The following DMXL1 variants were observed in gnomAD, a reference collection of about 807,000 sequenced individuals.
DMXL1 encodes the protein dmX-like protein 1.
In DMXL1, 99 loss-of-function variants were observed where a neutral mutation model predicts 319.2. The ratio of observed to expected loss-of-function variants is 0.31; its 90% CI spans 0.26 to 0.37. The LOEUF (loss-of-function observed/expected upper bound fraction) is 0.37, where lower values mean the gene tolerates loss of function less well. Ranked by LOEUF, DMXL1 falls within the 10% of genes least tolerant of loss-of-function variation. The pLI is 1.00. For synonymous variants in DMXL1, 1,385 were observed against 1,235.2 expected (o/e 1.12, Z -2.54); for missense variants, 3,745 against 3,595.6 (o/e 1.04, Z -1.06).
chr5:119,122,288 A>G (rs1169476793), intron 9 of DMXL1, among the ~76,000 whole-genome samples: 6 of 129,668 alleles, frequency 4.6e-5, no homozygotes, highest in Non-Finnish European at 8.2e-5. Context: ...TCCCTCCCGG[A>G]CGGGGCGGCT....
intron 19 of DMXL1, among the ~76,000 whole-genome samples, chr5:119,164,094 ATGTT>A (rs1427526421): frequency 6.8e-6 from 1 of 147,194 alleles, no homozygotes; most frequent in Non-Finnish European, 1.5e-5. Context: ...TGCTTGCTTG[ATGTT>A]TTTTTTTTTT....
At position 119,159,451 on chromosome 5, in the gene DMXL1, A is replaced by G. The variant is rs1771784639; in HGVS notation, c.4703-5056A>G. On this transcript the variant is annotated intron_variant, in intron 19 of 43. Coordinates refer to ENST00000539542, the MANE Select transcript of DMXL1 (RefSeq NM_001290321.3). ...GTCCTTACTCATCATCAATCTGTTC[A>G]GATATTTTATTTTTTCATATTTCAG... 1.3e-5 allele frequency among the ~76,000 whole-genome samples: 2 copies of G among 152,190 alleles called. 1 individual carries two copies. The highest frequency in any genetic ancestry group is 4.8e-5 in the African/African-American group (2 of 41,450).
intron 1 of DMXL1, among the ~76,000 whole-genome samples, chr5:119,073,768 T>G (rs1007349060): frequency 6.6e-6 from 1 of 152,210 alleles, no homozygotes; most frequent in Non-Finnish European, 1.5e-5. Context: ...GGTTTTCCTT[T>G]GCAGCCTGTT....
intron 5 of DMXL1, 119 bp from the exon 6 acceptor site, chr5:119,114,355 GT>G (rs1760341209): frequency 1.4e-6 from 1 of 705,390 alleles, no homozygotes; most frequent in African/African-American, 1.8e-5. Flanking sequence ...AAAGATGTGG[GT>G]GTGAAACTTA....
chr5:119,199,223 C>T (rs1780224186), intron 32 of DMXL1, among the ~76,000 whole-genome samples: 2 of 152,076 alleles, frequency 1.3e-5, no homozygotes. Flanking sequence ...TTTCTCCTCC[C>T]CACTTCCCCC....
At chr5:119,132,728 A>G (rs1000908875) in intron 10 of DMXL1, 10 of 524,280 alleles carry the variant, frequency 1.9e-5, no homozygotes, top group Non-Finnish European at 2.7e-5. Context: ...AATTAGTCCT[A>G]TATTGGCATT....
At chr5:119,129,115 C>A in intron 9 of DMXL1, 96 bp from the exon 10 acceptor site, 2 of 778,770 alleles carry the variant, frequency 2.6e-6, no homozygotes, top group South Asian at 2.1e-5. Flanking sequence ...TTCAGGCAAA[C>A]AAAATATAAA....
Position 119,149,941 on chromosome 5 carries a change from A to T in DMXL1, c.4114A>T (p.Arg1372Trp). 6.2e-7 allele frequency: 1 copy of T among 1,613,904 alleles called. No homozygotes were observed. The highest frequency in any genetic ancestry group is 8.5e-7 in the Non-Finnish European group (1 of 1,179,916). ...EAESNHERRL[R>W]SLTISASGST... ...TGAATCTAATCATGAACGCCGCCTTAGGTCTCTCACAATCAGTGCTAGTGG... is the reference window on the plus strand; with the variant it reads ...TGAATCTAATCATGAACGCCGCCTTTGGTCTCTCACAATCAGTGCTAGTGG... The change falls in exon 18 of 44, where the codon AGG (arginine) becomes TGG (tryptophan). Residue 1372 changes from arginine (R) to tryptophan (W), a missense_variant. Around this residue, in one of 4 missense-constraint regions of DMXL1, gnomAD observed 2,096 missense variants for 1,985.4 expected, o/e 1.06. Coordinates refer to ENST00000539542, the MANE Select transcript of DMXL1 (RefSeq NM_001290321.3).
At chr5:119,105,826 GGTGGAGGTTGCA>G (rs1446585196) in intron 4 of DMXL1, among the ~76,000 whole-genome samples, 3 of 151,868 alleles carry the variant, frequency 2.0e-5, no homozygotes, top group African/African-American at 4.8e-5. Context: ...GAACCTGGAA[GGTGGAGGTTGCA>G]GTGAGCTGAG....
Position 119,120,990 on chromosome 5 carries a change from G to T in DMXL1, c.953G>T (p.Arg318Leu). 1.2e-6 allele frequency: 2 copies of T among 1,607,088 alleles called. No individual in the cohort carries two copies. Among genetic ancestry groups the T allele is most frequent in the Non-Finnish European group, 8.5e-7 (1 of 1,178,190 alleles). Residue 318 changes from arginine (R) to leucine (L), a missense_variant, in exon 9 of 44, where the codon CGT (arginine) becomes CTT (leucine). By Grantham distance (102) the Arg-to-Leu change is moderately radical. Transcript: ENST00000539542. ...ACACAGGTAAATCTGAGACATTTTC[G>T]TAGAGGTCGGAGGAGATCACTTGCT... ...NALEVNLRHFRRGRRRSLALV... is the reference protein window; with the variant it reads ...NALEVNLRHFLRGRRRSLALV...
chr5:119,212,668 CAT>C (rs1315878684), intron 34 of DMXL1, among the ~76,000 whole-genome samples: 1 of 152,144 alleles, frequency 6.6e-6, no homozygotes, highest in Admixed American at 6.5e-5. Flanking sequence ...TTTTTCTTCA[CAT>C]GTCCAGCCCA....
intron 13 of DMXL1, among the ~76,000 whole-genome samples, chr5:119,134,934 T>C (rs1467895442): frequency 6.6e-6 from 1 of 152,236 alleles, no homozygotes; most frequent in Non-Finnish European, 1.5e-5. Flanking sequence ...TTTGGCGATT[T>C]TTCTTTTGGT....
At chr5:119,178,430 A>G in intron 28 of DMXL1, 186 bp downstream of exon 28, 1 of 366,370 alleles carries the variant, frequency 2.7e-6, no homozygotes, top group Non-Finnish European at 3.8e-6. Flanking sequence ...TTAATCTTTA[A>G]GATATTCCTG....
chr5:119,230,387 A>C (rs1786450838), intron 38 of DMXL1, among the ~76,000 whole-genome samples: 1 of 152,246 alleles, frequency 6.6e-6, no homozygotes. Context: ...TACTTAATTT[A>C]TATAAGTGCT....
At chr5:119,081,391 T>C (rs1752159342) in intron 1 of DMXL1, among the ~76,000 whole-genome samples, 1 of 152,206 alleles carries the variant, frequency 6.6e-6, no homozygotes, top group African/African-American at 2.4e-5. Context: ...ATTGATGCCA[T>C]ATGTGTGCGA....
chr5:119,119,534 A>ATTT (rs1421977217), intron 8 of DMXL1, among the ~76,000 whole-genome samples: 4 of 142,542 alleles, frequency 2.8e-5, no homozygotes, highest in Non-Finnish European at 3.1e-5. Context: ...GATTCTTCCA[A>ATTT]TTTTTTTTTT....
intron 4 of DMXL1, 54 bp from the exon 5 acceptor site, chr5:119,110,097 A>G: frequency 6.9e-7 from 1 of 1,459,466 alleles, no homozygotes; most frequent in Non-Finnish European, 9.2e-7. Flanking sequence ...GAGCATGTAA[A>G]TTAAGTCACT....
chr5:119,192,994 A>G (rs1004162259), intron 29 of DMXL1, among the ~76,000 whole-genome samples: 2 of 152,126 alleles, frequency 1.3e-5, no homozygotes, highest in African/African-American at 4.8e-5. Flanking sequence ...TCTCCAAAAT[A>G]TATCTTAAAT....
intron 1 of DMXL1, among the ~76,000 whole-genome samples, chr5:119,093,018 T>C (rs952714570): frequency 1.3e-4 from 20 of 152,128 alleles, no homozygotes; most frequent in African/African-American, 4.8e-4. Context: ...GCATATCTTG[T>C]TTTCTTGCTC....
Sources: allele counts gnomAD v4.1 joint callset (sites outside exome capture counted in the v4.1 genomes callset), GRCh38; gene constraint gnomAD v4.1.1; regional missense constraint gnomAD v4.1.1; transcripts MANE v1.5; gene names NCBI Gene and HGNC (gene_info 2026-07-23, HGNC 2026-07-21).